NEB: variants seen among roughly 807,000 people sequenced by gnomAD.
The protein encoded by NEB is nemaline myopathy type 2.
Under a neutral mutation model 952.2 loss-of-function variants are expected in NEB, and 512 were observed. The ratio of observed to expected loss-of-function variants is 0.54; its 90% CI spans 0.50 to 0.58. The LOEUF is 0.58. Among genes scored for constraint, NEB ranks in the 20% least tolerant of loss-of-function variants. The pLI, the probability that NEB is intolerant of heterozygous loss-of-function variation, is 0.00. For missense variants in NEB, 8,428 were observed against 9,231.1 expected (o/e 0.91, Z 3.56); for synonymous variants, 2,900 against 3,149.8 (o/e 0.92, Z 2.66).
chr2:151,493,273 A>G (rs1218346263), intron 176 of NEB, 80 bp downstream of exon 176: 1 of 1,081,930 alleles, frequency 9.2e-7, no homozygotes, highest in Non-Finnish European at 1.4e-6. Context: ...TTTCAGTTGA[A>G]TGAGAAAGGC....
rs1170681985 is a variant in NEB, at chr2:151,492,429, G to C, written c.24831C>G (p.Pro8277=). Residue 8277 remains proline, a synonymous_variant, in exon 177 of 182, where the codon CCC becomes CCG. Coordinates refer to ENST00000397345, the MANE Select transcript of NEB (RefSeq NM_001164508.2). ...GGGTCTCCCTCACCCGTCTCATCTC[G>C]GGGGTATCCAATACATAGGCAGCTT... ...QGKAAYVLDT[P]EMRRVRETQR... 1 of 1,612,112 alleles carries C rather than the reference G, an allele frequency of 6.2e-7. No individual in the cohort carries two copies.
intron 88 of NEB, among the ~76,000 whole-genome samples, chr2:151,601,300 G>C (rs2097524806): frequency 7.3e-6 from 1 of 137,746 alleles, no homozygotes; most frequent in South Asian, 2.3e-4. Flanking sequence ...GTAGAGACAG[G>C]GTTTCACCGT....
rs200590080 is a variant in NEB at position 151,724,938 on chromosome 2, A to T, written c.426T>A (p.Asp142Glu). 381 of 1,613,670 alleles carry T rather than the reference A, an allele frequency of 2.4e-4. No individual in the cohort carries two copies. The highest frequency in any genetic ancestry group is 3.0e-4 in the Non-Finnish European group (357 of 1,179,808). ...LSEVKYRMDG[D>E]VAKTICHVDE... Reference sequence around the variant, plus strand: ...CTACGTGACATATAGTCTTAGCAACATCACCATCCATTCGATACTTAACCT... The same window carrying T: ...CTACGTGACATATAGTCTTAGCAACTTCACCATCCATTCGATACTTAACCT... Residue 142 changes from aspartate (D) to glutamate (E), a missense_variant, in exon 7 of 182, where the codon GAT becomes GAA. By Grantham distance (45) the Asp-to-Glu change is conservative. Coordinates refer to ENST00000397345, the MANE Select transcript of NEB (RefSeq NM_001164508.2).
At chr2:151,571,146 C>T (rs988175188) in intron 107 of NEB, among the ~76,000 whole-genome samples, 3 of 152,184 alleles carry the variant, frequency 2.0e-5, no homozygotes, top group Non-Finnish European at 2.9e-5. Flanking sequence ...GCTGGGATTA[C>T]AGGCATGCGC....
At chr2:151,510,631 G>A (rs1402988450) in intron 161 of NEB, among the ~76,000 whole-genome samples, 1 of 152,174 alleles carries the variant, frequency 6.6e-6, no homozygotes, top group African/African-American at 2.4e-5. Context: ...TTTTATTACA[G>A]TATATTGTTA....
chr2:151,571,028 G>A (rs2096610984), intron 107 of NEB, among the ~76,000 whole-genome samples: 1 of 151,474 alleles, frequency 6.6e-6, no homozygotes, highest in Non-Finnish European at 1.5e-5. Context: ...TTTTTGAGAC[G>A]GAGTTTCGCT....
intron 116 of NEB, 103 bp downstream of exon 116, chr2:151,565,398 C>T: frequency 1.1e-6 from 1 of 878,642 alleles, no homozygotes. Flanking sequence ...TTACCACCTC[C>T]CAATTTTTTT....
chr2:151,693,185 C>A (rs1259518975), intron 20 of NEB, among the ~76,000 whole-genome samples: 1 of 152,106 alleles, frequency 6.6e-6, no homozygotes, highest in Non-Finnish European at 1.5e-5. Context: ...TATTACTTGT[C>A]TGTGTTTCTT....
chr2:151,514,391 C>T lies in NEB; in HGVS notation c.23054G>A (p.Gly7685Glu), dbSNP rs768880396. Reference sequence around the variant, plus strand: ...ATCTTCCATTTCAGTGAGGCCCTTCCCACGGATGCTTTCCTCTAGATCTTT... The same window carrying T: ...ATCTTCCATTTCAGTGAGGCCCTTCTCACGGATGCTTTCCTCTAGATCTTT... ...YRKDLEESIR[G>E]KGLTEMEDTP... Residue 7685 changes from glycine (G) to glutamate (E), a missense_variant, in exon 159 of 182, where the codon GGG becomes GAG. Coordinates refer to ENST00000397345, the MANE Select transcript of NEB (RefSeq NM_001164508.2). 8.1e-6 allele frequency: 13 copies of T among 1,613,552 alleles called. No individual in the cohort carries two copies. The Admixed American group carries it at 1.3e-4, about 17-fold the overall frequency.
At chr2:151,505,365 A>G in intron 165 of NEB, 113 bp downstream of exon 165, 1 of 932,480 alleles carries the variant, frequency 1.1e-6, no homozygotes, top group Non-Finnish European at 1.7e-6. Context: ...AGAATTCACA[A>G]CATCCCCAAG....
In NEB at chr2:151,610,990, T is replaced by C. The variant is rs2097928927; in HGVS notation, c.11806-124A>G. 3 of 601,616 alleles carry C rather than the reference T, an allele frequency of 5.0e-6. No individual in the cohort carries two copies. The East Asian group carries it at 8.5e-5, about 17-fold the overall frequency. The allele number at this position is 601,616 out of a possible 1,614,324, so 37.3% of individuals were successfully genotyped here. ...CACATTTAACTATAAAATAGCTCCT[T>C]CTAATGCTTTTGGGAGGTGAGGGAA... is the stretch of plus-strand genomic sequence containing the variant. On this transcript the variant is annotated intron_variant, in intron 78 of 181. Coordinates refer to ENST00000397345, the MANE Select transcript of NEB (RefSeq NM_001164508.2).
At chr2:151,678,865 AC>A (rs937496436) in intron 32 of NEB, among the ~76,000 whole-genome samples, 7 of 152,158 alleles carry the variant, frequency 4.6e-5, no homozygotes, top group African/African-American at 1.7e-4. Flanking sequence ...TTCGGGTGGG[AC>A]AGGGGCATTT....
intron 77 of NEB, among the ~76,000 whole-genome samples, chr2:151,613,770 CT>C (rs1560438910): frequency 6.6e-6 from 1 of 152,168 alleles, no homozygotes; most frequent in African/African-American, 2.4e-5. Flanking sequence ...CCCCTTTGCT[CT>C]CTCTCTCCTG....
intron 25 of NEB, 35 bp from the exon 26 acceptor site, chr2:151,687,768 A>G (rs1281371462): frequency 6.5e-7 from 1 of 1,527,950 alleles, no homozygotes; most frequent in East Asian, 2.4e-5. Flanking sequence ...GAATGATAAG[A>G]ACAACAGTGT....
At chr2:151,717,106 T>C (rs1170859857) in intron 10 of NEB, among the ~76,000 whole-genome samples, 1 of 152,258 alleles carries the variant, frequency 6.6e-6, no homozygotes, top group African/African-American at 2.4e-5. Context: ...GTGTGGTTAT[T>C]TGGTGACTCT....
Position 151,502,931 on chromosome 2 carries a change from A to AGAG in NEB, c.23836-49_23836-47dup, listed in dbSNP as rs1363881941. 7.5e-6 allele frequency: 9 copies of AGAG among 1,196,862 alleles called. No homozygotes were observed. The Admixed American group carries it at 1.7e-4, about 22-fold the overall frequency. The allele number at this position is 1,196,862 out of a possible 1,614,324, so 74.1% of individuals were successfully genotyped here. A position where few individuals can be genotyped will look rare whatever the true frequency, so the allele number is the denominator to read the frequency against. The stretch of plus-strand genomic sequence containing the variant: ...CCCAGAGGACATTTAAAACAGGCAC[A>AGAG]GAGAGTAAGGAAGGAAGGAAATGGG... On this transcript the variant is annotated intron_variant, in intron 166 of 181. Coordinates refer to ENST00000397345, the MANE Select transcript of NEB (RefSeq NM_001164508.2).
chr2:151,717,183 G>A (rs552753865), intron 10 of NEB, among the ~76,000 whole-genome samples: 1 of 152,320 alleles, frequency 6.6e-6, no homozygotes, highest in East Asian at 1.9e-4. Flanking sequence ...TTCAAAAGGT[G>A]ATTTTCACAT....
chr2:151,551,766 G>T lies in NEB; in HGVS notation c.19916C>A (p.Ala6639Asp), dbSNP rs2153647567. The change falls in exon 129 of 182, where the codon GCC (alanine) becomes GAC (aspartate). Residue 6639 changes from alanine (A) to aspartate (D), a missense_variant. Transcript: ENST00000397345. Reference sequence around the variant, plus strand: ...ACTCTGGAGCTTGTATGCATGAAGGGCCCGGTCCAGATCCACGGTTTTGGT... The same window carrying T: ...ACTCTGGAGCTTGTATGCATGAAGGTCCCGGTCCAGATCCACGGTTTTGGT... ...PTTKTVDLDR[A>D]LHAYKLQSSN... is the part of the protein sequence containing the mutation. The T allele has an allele frequency of 6.2e-7, 1 of 1,613,564 alleles. No homozygotes were observed. The highest frequency in any genetic ancestry group is 1.7e-5 in the Admixed American group (1 of 59,980).
chr2:151,681,773 G>A (rs1286464403), intron 29 of NEB, among the ~76,000 whole-genome samples: 2 of 152,052 alleles, frequency 1.3e-5, no homozygotes, highest in Admixed American at 1.3e-4. Context: ...TGCCTTATGA[G>A]CCTCAAGATC....
Sources: allele counts gnomAD v4.1 joint callset (sites outside exome capture counted in the v4.1 genomes callset), GRCh38; gene constraint gnomAD v4.1.1; transcripts MANE v1.5; gene names NCBI Gene and HGNC (gene_info 2026-07-23, HGNC 2026-07-21).